The following ABCC5 variants were observed in gnomAD, a reference collection of about 807,000 sequenced individuals.
The protein encoded by ABCC5 is ATP-binding cassette sub-family C member 5.
A neutral mutation model predicts 160.9 loss-of-function variants in ABCC5; 61 were observed. The ratio of observed to expected loss-of-function variants is 0.38; its 90% CI spans 0.31 to 0.47. The LOEUF is 0.47. Among genes scored for constraint, ABCC5 ranks in the 20% least tolerant of loss-of-function variants. ABCC5 has a pLI of 0.99. For missense variants in ABCC5, 1,308 were observed against 1,813.3 expected (o/e 0.72, Z 5.06); for synonymous variants, 666 against 700.6 (o/e 0.95, Z 0.78).
At chr3:184,016,841 C>G (rs1340492174) in intron 1 of ABCC5, among the ~76,000 whole-genome samples, 5 of 152,166 alleles carry the variant, frequency 3.3e-5, no homozygotes. Flanking sequence ...ACTCTCCCTG[C>G]ACAATGATAC....
intron 26 of ABCC5, among the ~76,000 whole-genome samples, chr3:183,932,287 A>G (rs764419940): frequency 6.6e-6 from 1 of 152,188 alleles, no homozygotes; most frequent in Admixed American, 6.5e-5. Context: ...AGTTGTTAAG[A>G]GTCAGATTAG....
chr3:183,969,754 C>A (rs1717569532), intron 11 of ABCC5, among the ~76,000 whole-genome samples: 1 of 150,584 alleles, frequency 6.6e-6, no homozygotes. Context: ...CCTTCAATGA[C>A]ACTCATAGTT....
Position 183,965,074 on chromosome 3 carries a change from T to TAAC in ABCC5, c.2031+108_2031+110dup, listed in dbSNP as rs1429804356. The TAAC allele has an allele frequency of 4.5e-6, 5 of 1,113,128 alleles. 1 individual carries two copies. The highest frequency in any genetic ancestry group is 6.6e-6 in the Non-Finnish European group (5 of 755,936). The allele number at this position is 1,113,128 out of a possible 1,614,324, so 69.0% of individuals were successfully genotyped here. A position where few individuals can be genotyped will look rare whatever the true frequency, so the allele number is the denominator to read the frequency against. ...CTAACACAAAGGCCTAATGACAGCC[T>TAAC]AACTCCCTGTGAGGCTCTTCTCCCA... On this transcript the variant is annotated intron_variant, in intron 14 of 29. Coordinates refer to ENST00000334444, the MANE Select transcript of ABCC5 (RefSeq NM_005688.4).
intron 25 of ABCC5, among the ~76,000 whole-genome samples, chr3:183,939,436 C>T (rs1714074816): frequency 6.6e-6 from 1 of 151,986 alleles, no homozygotes; most frequent in South Asian, 2.1e-4. Flanking sequence ...CTGTTTCAAA[C>T]AAAACAAAAC....
rs200122719 is a variant in ABCC5, at chr3:183,949,742, T to C, written c.3227+11A>G. On this transcript the variant is annotated intron_variant, in intron 22 of 29. Coordinates refer to ENST00000334444, the MANE Select transcript of ABCC5 (RefSeq NM_005688.4). The surrounding 1 kb of genome is among the most constrained non-coding windows in gnomAD (Gnocchi z 4.2). ...TCCCCTTTGAGGCCTCTAGCCCCCA[T>C]CAGGACAAACCTGTGCAGAAACTCC... 16 of 1,613,794 alleles carry C rather than the reference T, an allele frequency of 9.9e-6. No homozygotes were observed. The African/African-American group carries it at 1.9e-4, about 19-fold the overall frequency.
chr3:183,998,871 C>T lies in ABCC5; in HGVS notation c.130-9488G>A, dbSNP rs1014358136. Among the ~76,000 whole-genome samples, 27 of 152,116 alleles carry T rather than the reference C, an allele frequency of 1.8e-4. 1 individual carries two copies. The highest frequency in any genetic ancestry group is 6.2e-4 in the South Asian group (3 of 4,818). On this transcript the variant is annotated intron_variant, in intron 2 of 29. Transcript: ENST00000334444. ...TTAGAAGGCTGAGGCGGGTGGATCACCTGAGGTCAAGAGTTCGAGACCAGC... is the reference window on the plus strand; with the variant it reads ...TTAGAAGGCTGAGGCGGGTGGATCATCTGAGGTCAAGAGTTCGAGACCAGC...
Position 183,971,781 on chromosome 3 carries a change from T to G in ABCC5, c.1543A>C (p.Lys515Gln), listed in dbSNP as rs1717774056. Residue 515 changes from lysine (K) to glutamine (Q), a missense_variant, in exon 11 of 30, where the codon AAA (lysine) becomes CAA (glutamine). By Grantham distance (53) the Lys-to-Gln change is moderately conservative (BLOSUM62 1). Transcript: ENST00000334444. ...SIQNSPKLTP[K>Q]MKKDKRASRG... ...GAAGCCCTCTTGTCTTTTTTCATTT[T>G]GGGGGTCAGCTTGGGCGAGTTCTGG... 1.2e-6 allele frequency: 2 copies of G among 1,614,084 alleles called. No homozygotes were observed. Among genetic ancestry groups the G allele is most frequent in the Admixed American group, 3.3e-5 (2 of 59,998 alleles).
At chr3:183,974,847 A>G (rs1453674811) in intron 10 of ABCC5, among the ~76,000 whole-genome samples, 1 of 152,234 alleles carries the variant, frequency 6.6e-6, no homozygotes, top group Non-Finnish European at 1.5e-5. Flanking sequence ...CCCAACAGGA[A>G]GCAACAAGTT....
intron 29 of ABCC5, among the ~76,000 whole-genome samples, chr3:183,925,284 C>G (rs1348848372): frequency 1.3e-5 from 2 of 152,194 alleles, no homozygotes; most frequent in Non-Finnish European, 2.9e-5. Flanking sequence ...GAATGAATCA[C>G]TAAGTACATG....
chr3:184,008,858 C>A (rs536539019), intron 2 of ABCC5, among the ~76,000 whole-genome samples: 3 of 151,276 alleles, frequency 2.0e-5, no homozygotes, highest in Admixed American at 2.0e-4. Context: ...TTCTTTCTTT[C>A]TTTATTTTTT....
chr3:183,965,100 A>G, intron 14 of ABCC5, 85 bp downstream of exon 14: 3 of 1,398,774 alleles, frequency 2.1e-6, no homozygotes, highest in Non-Finnish European at 3.0e-6. Flanking sequence ...TCTTCTCCCA[A>G]GCATTTCAGT....
chr3:184,017,675 C>G lies in ABCC5; in HGVS notation c.-56+155G>C, dbSNP rs1427453313. 6.6e-6 allele frequency among the ~76,000 whole-genome samples: 1 copy of G among 152,208 alleles called. No homozygotes were observed. The highest frequency in any genetic ancestry group is 6.5e-5 in the Admixed American group (1 of 15,278). On this transcript the variant is annotated intron_variant, in intron 1 of 29. Coordinates refer to ENST00000334444, the MANE Select transcript of ABCC5 (RefSeq NM_005688.4). The surrounding 1 kb of genome is among the most constrained non-coding windows in gnomAD (Gnocchi z 4.5). Reference sequence around the variant, plus strand: ...GGCCTAGGAGGCGGCGGCAGGAGACCAGGGGGAGGCCATACGCCGTTCCCC... The same window carrying G: ...GGCCTAGGAGGCGGCGGCAGGAGACGAGGGGGAGGCCATACGCCGTTCCCC...
intron 2 of ABCC5, among the ~76,000 whole-genome samples, chr3:183,997,938 CCAT>C (rs1720411251): frequency 6.6e-6 from 1 of 152,044 alleles, no homozygotes; most frequent in Non-Finnish European, 1.5e-5. Flanking sequence ...TGCACTACCA[CCAT>C]GTCTGGCTAA....
intron 24 of ABCC5, 31 bp from the exon 25 acceptor site, chr3:183,942,947 G>T (rs1402101890): frequency 7.0e-6 from 11 of 1,571,046 alleles, no homozygotes; most frequent in South Asian, 3.5e-5. Flanking sequence ...AGTTCAGACT[G>T]ACCACAGATT....
chr3:183,925,877 C>T (rs1296251340), intron 28 of ABCC5, among the ~76,000 whole-genome samples, 158 bp from the exon 29 acceptor site: 2 of 139,110 alleles, frequency 1.4e-5, no homozygotes, highest in South Asian at 2.2e-4. Flanking sequence ...CTTGCTCTGT[C>T]GCCCAGGCTG....
chr3:183,925,803 A>T, intron 28 of ABCC5, 84 bp from the exon 29 acceptor site: 3 of 1,358,840 alleles, frequency 2.2e-6, no homozygotes, highest in Admixed American at 2.4e-5. Context: ...AATGTATTTC[A>T]TTTAAGTTTT....
At chr3:183,991,562 A>G (rs894266006) in intron 2 of ABCC5, among the ~76,000 whole-genome samples, 2 of 152,254 alleles carry the variant, frequency 1.3e-5, no homozygotes, top group Non-Finnish European at 2.9e-5. Flanking sequence ...TTCACAGCAC[A>G]GTTAAGTATC....
In ABCC5 at chr3:183,982,611, C is replaced by A; in HGVS notation, c.839G>T (p.Cys280Phe). The change falls in exon 7 of 30, where the codon TGC becomes TTC. Residue 280 changes from cysteine to phenylalanine, a missense_variant. By Grantham distance (205) the Cys-to-Phe change is radical (BLOSUM62 -2). This residue lies in a region of ABCC5 where 1,142 missense variants were observed against 1,527.1 expected (regional missense o/e 0.75). Transcript: ENST00000334444. This position sits in a 1 kb window ranked among gnomAD's most constrained non-coding sequence, Gnocchi z 5.2. ...EKSLGELINI[C>F]SNDGQRMFEA... ...AAACATTCTCTGCCCATCGTTGGAG[C>A]AAATGTTGATGAGCTATAAGATACA... is the stretch of plus-strand genomic sequence containing the variant. 1 of 1,614,104 alleles carries A rather than the reference C, an allele frequency of 6.2e-7. No individual in the cohort carries two copies. Among genetic ancestry groups the A allele is most frequent in the Non-Finnish European group, 8.5e-7 (1 of 1,180,014 alleles).
intron 2 of ABCC5, among the ~76,000 whole-genome samples, chr3:183,994,336 A>G (rs1314858490): frequency 6.6e-6 from 1 of 151,964 alleles, no homozygotes. Flanking sequence ...TGGATGAGAA[A>G]TCTAGTTTCC....
Sources: allele counts gnomAD v4.1 joint callset (sites outside exome capture counted in the v4.1 genomes callset), GRCh38; gene constraint gnomAD v4.1.1; regional missense constraint gnomAD v4.1.1; non-coding constraint Gnocchi (gnomAD v3.1); transcripts MANE v1.5; gene names NCBI Gene and HGNC (gene_info 2026-07-23, HGNC 2026-07-21).